The following GALC variants were observed in gnomAD, a reference collection of about 807,000 sequenced individuals.
The protein encoded by GALC is galactosylceramidase.
A neutral mutation model predicts 91.8 loss-of-function variants in GALC; 77 were observed. The ratio of observed to expected loss-of-function variants is 0.84; its 90% CI spans 0.70 to 1.01. The LOEUF (loss-of-function observed/expected upper bound fraction) is 1.01, where lower values mean the gene tolerates loss of function less well. Among genes scored for constraint, GALC ranks in the 50% least tolerant of loss-of-function variants. The probability of loss-of-function intolerance (pLI) is 0.00; values close to 1 mark genes in which losing one functional copy is unlikely to be tolerated. For missense variants in GALC, 882 were observed against 855.9 expected (o/e 1.03, Z -0.38); for synonymous variants, 357 against 306.7 (o/e 1.16, Z -1.71).
intron 1 of GALC, chr14:87,992,696 C>A: frequency 1.4e-6 from 2 of 1,434,472 alleles, no homozygotes; most frequent in Non-Finnish European, 1.8e-6. Context: ...ACTACTTAGA[C>A]CTGTCACTTT....
intron 4 of GALC, among the ~76,000 whole-genome samples, chr14:87,985,407 T>C (rs1379979884): frequency 6.6e-6 from 1 of 152,216 alleles, no homozygotes; most frequent in Non-Finnish European, 1.5e-5. Context: ...AATGAAATGC[T>C]AAATGCAATC....
intron 5 of GALC, among the ~76,000 whole-genome samples, chr14:87,983,687 C>T (rs78715225): frequency 0.11 from 17,205 of 152,082 alleles, 1,141 homozygotes; most frequent in Non-Finnish European, 0.16. Flanking sequence ...GTGTTAAGGC[C>T]CTGTGGGGTA....
At chr14:87,976,189 T>A (rs982264874) in intron 7 of GALC, among the ~76,000 whole-genome samples, 169 bp downstream of exon 7, 19 of 152,168 alleles carry the variant, frequency 1.2e-4, no homozygotes, top group Non-Finnish European at 2.6e-4. Context: ...CTAAAATATA[T>A]TTAAAAGAGA....
intron 7 of GALC, 29 bp downstream of exon 7, chr14:87,976,329 G>A: frequency 1.2e-6 from 2 of 1,612,438 alleles, no homozygotes; most frequent in Non-Finnish European, 1.7e-6. Flanking sequence ...ATCAGAAACT[G>A]CTAGTTTTCC....
chr14:87,974,216 T>TA (rs760779316), intron 7 of GALC, among the ~76,000 whole-genome samples: 1 of 151,956 alleles, frequency 6.6e-6, no homozygotes, highest in Non-Finnish European at 1.5e-5. Context: ...GCAATGCACA[T>TA]AAAAGAAAAC....
chr14:87,954,130 T>C, intron 10 of GALC: 1 of 1,608,382 alleles, frequency 6.2e-7, no homozygotes, highest in Non-Finnish European at 8.5e-7. Context: ...TATTCCAGTG[T>C]AGTTAGTGAT....
Position 87,934,393 on chromosome 14 carries a change from C to T in GALC, c.*339G>A, listed in dbSNP as rs552845611. 7 of 1,267,646 alleles carry T rather than the reference C, an allele frequency of 5.5e-6. No individual in the cohort carries two copies. Among genetic ancestry groups the T allele is most frequent in the East Asian group, 7.8e-5 (2 of 25,532 alleles). The allele number at this position is 1,267,646 out of a possible 1,614,324, so 78.5% of individuals were successfully genotyped here. On this transcript the variant is annotated 3_prime_UTR_variant, in exon 17 of 17. Coordinates refer to ENST00000261304, the MANE Select transcript of GALC (RefSeq NM_000153.4). ...ATCAAGTTACTGCCATCTACAGGACCGCTTGCAAATAAGATGAAGAGAGCT... is the reference window on the plus strand; with the variant it reads ...ATCAAGTTACTGCCATCTACAGGACTGCTTGCAAATAAGATGAAGAGAGCT...
At position 87,940,211 on chromosome 14, in the gene GALC, T is replaced by C. The variant is rs1415736566; in HGVS notation, c.1835-230A>G. On this transcript the variant is annotated intron_variant, in intron 15 of 16. Coordinates refer to ENST00000261304, the MANE Select transcript of GALC (RefSeq NM_000153.4). ...ATCCTACTCTGAGCCATATACTATA[T>C]GTGAGCTCACAACAGAACCAGTGAA... 2.6e-5 allele frequency among the ~76,000 whole-genome samples: 4 copies of C among 152,034 alleles called. No individual in the cohort carries two copies. In the East Asian group the frequency reaches 5.8e-4, roughly 22 times the overall value.
intron 5 of GALC, among the ~76,000 whole-genome samples, chr14:87,983,131 A>G (rs936406657): frequency 3.3e-5 from 5 of 152,030 alleles, no homozygotes; most frequent in Admixed American, 2.6e-4. Context: ...CGAGGTCAGG[A>G]GTTTGAGACC....
chr14:87,967,706 G>T (rs1006052721), intron 8 of GALC, among the ~76,000 whole-genome samples: 1 of 152,090 alleles, frequency 6.6e-6, no homozygotes, highest in African/African-American at 2.4e-5. Context: ...AATCAGACAG[G>T]CTGGGAAGCA....
intron 12 of GALC, among the ~76,000 whole-genome samples, chr14:87,948,168 A>T (rs185073776): frequency 2.6e-5 from 4 of 151,964 alleles, no homozygotes; most frequent in Admixed American, 2.6e-4. Context: ...CTTTTCCACT[A>T]CACAGTAAGC....
chr14:87,961,129 A>G (rs1351865249), intron 10 of GALC, among the ~76,000 whole-genome samples: 3 of 152,214 alleles, frequency 2.0e-5, no homozygotes, highest in Non-Finnish European at 2.9e-5. Context: ...AAACACAAAT[A>G]TCCCAATTTA....
At chr14:87,953,957 G>A in intron 10 of GALC, 1 of 1,609,532 alleles carries the variant, frequency 6.2e-7, no homozygotes, top group Non-Finnish European at 8.5e-7. Flanking sequence ...TTCTGTAGAG[G>A]ACTGCAGCAT....
At chr14:87,968,656 G>A (rs533694710) in intron 7 of GALC, among the ~76,000 whole-genome samples, 166 bp from the exon 8 acceptor site, 14 of 152,300 alleles carry the variant, frequency 9.2e-5, no homozygotes, top group Admixed American at 3.3e-4. Context: ...TCTGCTTTAT[G>A]CCCTTTTGTC....
intron 7 of GALC, among the ~76,000 whole-genome samples, chr14:87,973,999 A>G (rs1334389550): frequency 1.3e-5 from 2 of 152,222 alleles, no homozygotes; most frequent in Non-Finnish European, 2.9e-5. Flanking sequence ...ACCTCCTTAA[A>G]TAAGTGCAAA....
intron 16 of GALC, among the ~76,000 whole-genome samples, chr14:87,937,642 G>C (rs1019482570): frequency 1.3e-5 from 2 of 151,760 alleles, no homozygotes; most frequent in Non-Finnish European, 2.9e-5. Flanking sequence ...GGCTGTATCA[G>C]AAGTACAAGA....
intron 7 of GALC, among the ~76,000 whole-genome samples, chr14:87,974,752 A>C (rs76674403): frequency 0.12 from 17,849 of 151,998 alleles, 1,176 homozygotes; most frequent in Non-Finnish European, 0.16. Flanking sequence ...GAAATTTCCC[A>C]AAAAAATGTA....
Position 87,983,318 on chromosome 14 carries a change from T to TA in GALC, c.582+1075dup, listed in dbSNP as rs113495255. Among the ~76,000 whole-genome samples the TA allele has an allele frequency of 7.8e-3, 1,147 of 147,614 alleles. 16 individuals carry two copies. The highest frequency in any genetic ancestry group is 0.044 in the East Asian group (225 of 5,062). ...CTGCACTCCAATCCGGGTGACAGTG[T>TA]AAAAAAAAAAGGAAAGTTCTCAAAT... is the stretch of plus-strand genomic sequence containing the variant. On this transcript the variant is annotated intron_variant, in intron 5 of 16. Transcript: ENST00000261304.
chr14:87,975,345 T>C (rs2140014105), intron 7 of GALC, among the ~76,000 whole-genome samples: 1 of 152,244 alleles, frequency 6.6e-6, no homozygotes, highest in South Asian at 2.1e-4. Context: ...TCACCATGCA[T>C]GAATTTTAAA....
Sources: gnomAD v4.1 joint callset for allele counts (sites outside exome capture counted in the v4.1 genomes callset) on GRCh38, gnomAD v4.1.1 for gene constraint, MANE v1.5 for transcripts, NCBI Gene and HGNC (gene_info 2026-07-23, HGNC 2026-07-21) for gene names.